Variants in TRPS1 observed in about 807,000 individuals in gnomAD.
TRPS1 encodes the protein transcriptional repressor GATA binding 1.
Under a neutral mutation model 101.2 loss-of-function variants are expected in TRPS1, and 6 were observed. The ratio of observed to expected loss-of-function variants is 0.06; its 90% CI spans 0.03 to 0.12. The LOEUF (loss-of-function observed/expected upper bound fraction) is 0.12, where lower values mean the gene tolerates loss of function less well. TRPS1 is among the 10% of genes least tolerant of loss of function. The pLI, the probability that TRPS1 is intolerant of heterozygous loss-of-function variation, is 1.00. For missense variants in TRPS1, 1,363 were observed against 1,567.0 expected (o/e 0.87, Z 2.20); for synonymous variants, 578 against 589.8 (o/e 0.98, Z 0.29).
intron 5 of TRPS1, among the ~76,000 whole-genome samples, chr8:115,578,567 AAATG>A (rs1817373198): frequency 6.6e-6 from 1 of 152,106 alleles, no homozygotes; most frequent in Non-Finnish European, 1.5e-5. Flanking sequence ...TGAGGCACAA[AAATG>A]AACATTGTGG....
chr8:115,417,956 C>T (rs371275124), intron 6 of TRPS1, among the ~76,000 whole-genome samples: 88 of 152,176 alleles, frequency 5.8e-4, no homozygotes, highest in African/African-American at 2.0e-3. Context: ...TGAACATGAC[C>T]GAGTCCTTTT....
At chr8:115,447,178 T>C (rs1813758877) in intron 5 of TRPS1, among the ~76,000 whole-genome samples, 1 of 152,182 alleles carries the variant, frequency 6.6e-6, no homozygotes, top group Non-Finnish European at 1.5e-5. Context: ...TACTATGGCC[T>C]TCTGGGTTCT....
At chr8:115,572,152 A>G (rs1160985873) in intron 5 of TRPS1, among the ~76,000 whole-genome samples, 1 of 152,152 alleles carries the variant, frequency 6.6e-6, no homozygotes, top group East Asian at 1.9e-4. Context: ...GAATCCTATC[A>G]ATTACGAAAA....
intron 5 of TRPS1, among the ~76,000 whole-genome samples, chr8:115,527,762 G>T (rs956449987): frequency 6.6e-6 from 1 of 152,004 alleles, no homozygotes; most frequent in Admixed American, 6.6e-5. Flanking sequence ...CAGGATAATT[G>T]AGCATTAATA....
intron 5 of TRPS1, among the ~76,000 whole-genome samples, chr8:115,552,470 T>C (rs1816727322): frequency 6.6e-6 from 1 of 152,148 alleles, no homozygotes; most frequent in Non-Finnish European, 1.5e-5. Flanking sequence ...GTTACTTTAA[T>C]GCAAAGATTA....
At chr8:115,535,995 C>T (rs1816310504) in intron 5 of TRPS1, among the ~76,000 whole-genome samples, 1 of 151,928 alleles carries the variant, frequency 6.6e-6, no homozygotes, top group African/African-American at 2.4e-5. Flanking sequence ...CTACCATTTT[C>T]ACATCATAAC....
At chr8:115,526,307 C>CA (rs1207165787) in intron 5 of TRPS1, among the ~76,000 whole-genome samples, 6 of 150,598 alleles carry the variant, frequency 4.0e-5, no homozygotes, top group Non-Finnish European at 7.4e-5. Context: ...AAGACTGTCT[C>CA]AAAAAAAAGA....
chr8:115,637,995 T>C (rs1818808685), intron 1 of TRPS1, among the ~76,000 whole-genome samples: 1 of 152,110 alleles, frequency 6.6e-6, no homozygotes, highest in Non-Finnish European at 1.5e-5. Flanking sequence ...TAAATTTAGG[T>C]TTTCCAAAAT....
intron 5 of TRPS1, among the ~76,000 whole-genome samples, chr8:115,558,894 T>C (rs2130362379): frequency 6.6e-6 from 1 of 152,220 alleles, no homozygotes; most frequent in South Asian, 2.1e-4. Context: ...GATAAGGAGA[T>C]GAAATTTAAA....
At chr8:115,658,644 G>A (rs1811729150) in intron 1 of TRPS1, among the ~76,000 whole-genome samples, 1 of 152,114 alleles carries the variant, frequency 6.6e-6, no homozygotes, top group Non-Finnish European at 1.5e-5. Context: ...CGTTCAGGAA[G>A]TGAGAAGAAT....
intron 5 of TRPS1, among the ~76,000 whole-genome samples, chr8:115,458,283 T>C (rs992247260): frequency 1.3e-5 from 2 of 152,130 alleles, no homozygotes; most frequent in Non-Finnish European, 2.9e-5. Flanking sequence ...GTTTTGTAAA[T>C]GGGGTATGGT....
intron 5 of TRPS1, among the ~76,000 whole-genome samples, chr8:115,465,859 CTG>C (rs1424669633): frequency 6.6e-6 from 1 of 152,040 alleles, no homozygotes; most frequent in Non-Finnish European, 1.5e-5. Context: ...ATTGGAGTCT[CTG>C]TTATCTATAG....
In TRPS1 at chr8:115,603,881, T is replaced by G. The variant is rs559562389; in HGVS notation, c.2088A>C (p.Arg696=). 2 of 1,613,978 alleles carry G rather than the reference T, an allele frequency of 1.2e-6. No individual in the cohort carries two copies. The highest frequency in any genetic ancestry group is 2.2e-5 in the South Asian group (2 of 91,074). ...FITQVEEEIS[R]HYRRAHSCYK... ...CACCCCCCATGCCTCACCTGTAGTG[T>G]CGGGAAATCTCTTCTTCCACTTGGG... Residue 696 remains arginine (R), a synonymous_variant, in exon 4 of 7, where the codon CGA becomes CGC. Coordinates refer to ENST00000395715, the MANE Select transcript of TRPS1 (RefSeq NM_014112.5).
At chr8:115,541,968 T>G (rs1399753726) in intron 5 of TRPS1, among the ~76,000 whole-genome samples, 2 of 152,134 alleles carry the variant, frequency 1.3e-5, no homozygotes. Flanking sequence ...TAGTCAACAA[T>G]GCAACTTAAT....
intron 5 of TRPS1, among the ~76,000 whole-genome samples, chr8:115,583,777 T>C (rs1378195234): frequency 6.6e-6 from 1 of 151,992 alleles, no homozygotes; most frequent in Non-Finnish European, 1.5e-5. Flanking sequence ...AACTGAAAAT[T>C]TTTATATCAA....
At chr8:115,667,532 G>C (rs1811951870) in intron 1 of TRPS1, among the ~76,000 whole-genome samples, 1 of 152,164 alleles carries the variant, frequency 6.6e-6, no homozygotes, top group African/African-American at 2.4e-5. Context: ...AGTGTCCCCT[G>C]ACCCGCGCGA....
chr8:115,562,634 C>T (rs6469600), intron 5 of TRPS1, among the ~76,000 whole-genome samples: 89,112 of 151,680 alleles, frequency 0.59, 26,565 homozygotes, highest in East Asian at 0.83. Flanking sequence ...ATAGACTAGT[C>T]AGGCTGAACA....
chr8:115,531,506 A>G (rs1816130702), intron 5 of TRPS1, among the ~76,000 whole-genome samples: 1 of 152,170 alleles, frequency 6.6e-6, no homozygotes, highest in African/African-American at 2.4e-5. Context: ...GGGATAATTT[A>G]ACATACTTTT....
intron 6 of TRPS1, among the ~76,000 whole-genome samples, chr8:115,417,943 T>C (rs1812961919): frequency 6.6e-6 from 1 of 152,218 alleles, no homozygotes; most frequent in Admixed American, 6.5e-5. Flanking sequence ...TTATATTTTA[T>C]ACTGAACATG....
Sources: gnomAD v4.1 joint callset for allele counts (sites outside exome capture counted in the v4.1 genomes callset) on GRCh38, gnomAD v4.1.1 for gene constraint, MANE v1.5 for transcripts, NCBI Gene and HGNC (gene_info 2026-07-23, HGNC 2026-07-21) for gene names.